Variants in MPP7 observed in about 807,000 individuals in gnomAD.
The protein encoded by MPP7 is MAGUK p55 subfamily member 7.
Under a neutral mutation model 76.5 loss-of-function variants are expected in MPP7, and 60 were observed. The observed-to-expected ratio is 0.78, with a 90% CI of 0.64 to 0.97. MPP7 has a LOEUF of 0.97. Ranked by LOEUF, MPP7 falls within the 50% of genes least tolerant of loss-of-function variation. MPP7 has a pLI of 0.00. For synonymous variants in MPP7, 237 were observed against 244.5 expected, an observed-to-expected ratio of 0.97 and a Z score of 0.29; for missense variants, 641 against 694.0, an observed-to-expected ratio of 0.92 and a Z score of 0.86.
chr10:28,191,993 G>A (rs1245027711), intron 3 of MPP7, among the ~76,000 whole-genome samples: 3 of 151,814 alleles, frequency 2.0e-5, no homozygotes, highest in Non-Finnish European at 2.9e-5. Flanking sequence ...GCGTAGTGAC[G>A]CACACCTGTA....
At chr10:28,296,129 A>G (rs1034762653) in intron 1 of MPP7, among the ~76,000 whole-genome samples, 1 of 152,192 alleles carries the variant, frequency 6.6e-6, no homozygotes, top group African/African-American at 2.4e-5. Context: ...CTGTCTTAAA[A>G]TGCTTAATGA....
At chr10:28,290,825 G>A (rs768577460) in intron 1 of MPP7, among the ~76,000 whole-genome samples, 1 of 152,130 alleles carries the variant, frequency 6.6e-6, no homozygotes, top group African/African-American at 2.4e-5. Flanking sequence ...AGACTAACAC[G>A]TGAAAGAAGT....
At chr10:28,307,180 T>C (rs1286607945), upstream of MPP7, among the ~76,000 whole-genome samples, 3 of 152,178 alleles carry the variant, frequency 2.0e-5, no homozygotes, top group Non-Finnish European at 2.9e-5. Flanking sequence ...TTCTAGTTAC[T>C]GAAAGTCTTC....
In MPP7 at chr10:28,114,720, C is replaced by G. The variant is rs564496776; in HGVS notation, c.952+4931G>C. On this transcript the variant is annotated intron_variant, in intron 11 of 16. Coordinates refer to ENST00000683449, the MANE Select transcript of MPP7 (RefSeq NM_001318170.2). ...CTAAAAGTCTGCAATAATCCGCAAC[C>G]ACAGATCAGACCCCTAAGAGTTAAC... 2.1e-3 allele frequency among the ~76,000 whole-genome samples: 318 copies of G among 152,306 alleles called. 2 individuals carry two copies. The highest frequency in any genetic ancestry group is 7.1e-3 in the African/African-American group (296 of 41,570).
intron 12 of MPP7, 25 bp from the exon 13 acceptor site, chr10:28,069,877 C>T (rs1432403199): frequency 1.9e-6 from 3 of 1,565,976 alleles, no homozygotes; most frequent in Non-Finnish European, 2.6e-6. Flanking sequence ...AACAGAAATT[C>T]ATTATTGGAC....
chr10:28,290,822 C>T (rs3936496), intron 1 of MPP7, among the ~76,000 whole-genome samples: 21,874 of 152,152 alleles, frequency 0.14, 2,150 homozygotes, highest in East Asian at 0.46. Flanking sequence ...AACAGACTAA[C>T]ACGTGAAAGA....
At chr10:28,125,791 T>TTTTC (rs1323882746) in intron 6 of MPP7, among the ~76,000 whole-genome samples, 2 of 152,052 alleles carry the variant, frequency 1.3e-5, no homozygotes, top group African/African-American at 4.8e-5. Flanking sequence ...TGGCATAAGA[T>TTTTC]TAGGAAACAG....
upstream of MPP7, among the ~76,000 whole-genome samples, chr10:28,307,879 A>G (rs931658286): frequency 3.3e-5 from 5 of 152,172 alleles, no homozygotes; most frequent in Non-Finnish European, 7.4e-5. Context: ...TAGCAAGTTC[A>G]TGCTTAACTG....
intron 3 of MPP7, among the ~76,000 whole-genome samples, chr10:28,198,545 A>G (rs1837663059): frequency 6.6e-6 from 1 of 151,508 alleles, no homozygotes; most frequent in Non-Finnish European, 1.5e-5. Context: ...ATTACACTCC[A>G]GCCTGGGCAA....
rs112352571 is a variant in MPP7, at chr10:28,074,371, C to G, written c.1124-4519G>C. ...GGAGTACAATGGCGTGATCATGGCT[C>G]ACTGCAACCTCCGCTTCCTGGGTTC... On this transcript the variant is annotated intron_variant, in intron 12 of 16. Transcript: ENST00000683449. Among the ~76,000 whole-genome samples, 1,059 of 152,002 alleles carry G rather than the reference C, an allele frequency of 7.0e-3. 14 individuals carry two copies. Among genetic ancestry groups the G allele is most frequent in the African/African-American group, 0.024 (1,008 of 41,446 alleles).
intron 1 of MPP7, among the ~76,000 whole-genome samples, chr10:28,301,971 C>G (rs142391485): frequency 6.6e-6 from 1 of 152,284 alleles, no homozygotes; most frequent in African/African-American, 2.4e-5. Flanking sequence ...ATTAATAGCC[C>G]AGGATTTACC....
intron 1 of MPP7, among the ~76,000 whole-genome samples, chr10:28,248,270 G>T (rs758965235): frequency 1.1e-4 from 16 of 152,084 alleles, no homozygotes; most frequent in Non-Finnish European, 1.8e-4. Context: ...AGAAATCTGA[G>T]GGCTAGAAGG....
At chr10:28,098,774 T>C (rs1853683689) in intron 11 of MPP7, among the ~76,000 whole-genome samples, 1 of 151,822 alleles carries the variant, frequency 6.6e-6, no homozygotes, top group South Asian at 2.1e-4. Flanking sequence ...TAGTTAGGAA[T>C]AGCCACATAA....
chr10:28,066,901 G>A (rs901672000), intron 13 of MPP7, among the ~76,000 whole-genome samples: 1 of 152,040 alleles, frequency 6.6e-6, no homozygotes, highest in Non-Finnish European at 1.5e-5. Flanking sequence ...ACTATACTTT[G>A]TATGCATATA....
intron 16 of MPP7, among the ~76,000 whole-genome samples, chr10:28,054,685 T>G (rs1222790761): frequency 6.6e-6 from 1 of 152,180 alleles, no homozygotes; most frequent in Non-Finnish European, 1.5e-5. Flanking sequence ...TGTTTTTTGT[T>G]TTTTGTTTTG....
At chr10:28,112,363 C>T (rs1029207298) in intron 11 of MPP7, among the ~76,000 whole-genome samples, 4 of 152,042 alleles carry the variant, frequency 2.6e-5, no homozygotes, top group African/African-American at 9.7e-5. Context: ...CGATTAAAGA[C>T]TTAGCGCCAT....
In MPP7 at chr10:28,161,610, G is replaced by A. The variant is rs544468690; in HGVS notation, c.157-11551C>T. Among the ~76,000 whole-genome samples, 50 of 152,174 alleles carry A rather than the reference G, an allele frequency of 3.3e-4. No individual in the cohort carries two copies. In the East Asian group the frequency reaches 3.9e-3, roughly 12 times the overall value. On this transcript the variant is annotated intron_variant, in intron 3 of 16. Coordinates refer to ENST00000683449, the MANE Select transcript of MPP7 (RefSeq NM_001318170.2). ...TAGGTGGAGAGAGGAAATTCAGACCGAAGCTAAACATTTCATTCCTATTCC... is the reference window on the plus strand; with the variant it reads ...TAGGTGGAGAGAGGAAATTCAGACCAAAGCTAAACATTTCATTCCTATTCC...
chr10:28,275,422 T>C (rs1840462709), intron 1 of MPP7, among the ~76,000 whole-genome samples: 1 of 151,760 alleles, frequency 6.6e-6, no homozygotes, highest in Non-Finnish European at 1.5e-5. Context: ...TTTTTTTTTT[T>C]TTCATACAGA....
chr10:28,300,535 T>C (rs1250402254), intron 1 of MPP7, among the ~76,000 whole-genome samples: 1 of 152,208 alleles, frequency 6.6e-6, no homozygotes, highest in African/African-American at 2.4e-5. Flanking sequence ...AGTAAATAAA[T>C]GCTGGGCTAG....
Sources: gnomAD v4.1 joint callset for allele counts (sites outside exome capture counted in the v4.1 genomes callset) on GRCh38, gnomAD v4.1.1 for gene constraint, MANE v1.5 for transcripts, NCBI Gene and HGNC (gene_info 2026-07-23, HGNC 2026-07-21) for gene names.